PTPRG: variants seen among roughly 807,000 people sequenced by gnomAD.
The protein encoded by PTPRG is protein tyrosine phosphatase receptor type G, also known as receptor-type tyrosine-protein phosphatase gamma.
PTPRG carries 102 observed loss-of-function variants against 165.3 expected under a neutral mutation model. The observed-to-expected ratio is 0.62, with a 90% confidence interval of 0.53 to 0.73. The LOEUF is 0.73. Among genes scored for constraint, PTPRG ranks in the 30% least tolerant of loss-of-function variants. The pLI is 0.00. For synonymous variants in PTPRG, 675 were observed against 669.5 expected, an observed-to-expected ratio of 1.01 and a Z score of -0.13; for missense variants, 1,866 against 1,861.4, an observed-to-expected ratio of 1.00 and a Z score of -0.05.
chr3:62,048,412 C>G (rs574259547), intron 4 of PTPRG, among the ~76,000 whole-genome samples: 1 of 152,066 alleles, frequency 6.6e-6, no homozygotes, highest in African/African-American at 2.4e-5. Context: ...TTATTTCTCC[C>G]AAGATAGGTA....
chr3:61,826,952 G>A (rs761211330), intron 2 of PTPRG, among the ~76,000 whole-genome samples: 4 of 151,724 alleles, frequency 2.6e-5, no homozygotes, highest in Admixed American at 6.6e-5. Context: ...ATCTCCAGGC[G>A]TATGGTAGCC....
rs546951451 is a variant in PTPRG at position 62,200,695 on chromosome 3, C to T, written c.1328-810C>T. ...CAGAGCTACAGGAAGAAATAAACAC[C>T]AGAAAGGGTAATGTATGGTTAATAC... is the stretch of plus-strand genomic sequence containing the variant. On this transcript the variant is annotated intron_variant, in intron 10 of 29. Transcript: ENST00000474889. 1.4e-4 allele frequency among the ~76,000 whole-genome samples: 21 copies of T among 152,120 alleles called. No homozygotes were observed. The South Asian group carries it at 2.3e-3, about 17-fold the overall frequency.
At chr3:61,983,942 T>C (rs1323702279) in intron 2 of PTPRG, among the ~76,000 whole-genome samples, 6 of 152,158 alleles carry the variant, frequency 3.9e-5, no homozygotes, top group Non-Finnish European at 7.4e-5. Flanking sequence ...GATTTAAAAT[T>C]TATATGTGTC....
chr3:62,103,084 C>G (rs1702346803), intron 5 of PTPRG, among the ~76,000 whole-genome samples: 1 of 152,140 alleles, frequency 6.6e-6, no homozygotes, highest in African/African-American at 2.4e-5. Flanking sequence ...ATTTTTGAAC[C>G]TATAAAATCA....
At chr3:62,140,552 A>C (rs1194539290) in intron 6 of PTPRG, among the ~76,000 whole-genome samples, 2 of 152,204 alleles carry the variant, frequency 1.3e-5, no homozygotes, top group Non-Finnish European at 2.9e-5. Context: ...AAGTCAGAAC[A>C]GTGGGGAGGA....
chr3:61,957,211 A>G (rs1199927275), intron 2 of PTPRG, among the ~76,000 whole-genome samples: 8 of 152,240 alleles, frequency 5.3e-5, no homozygotes, highest in Admixed American at 5.2e-4. Flanking sequence ...ACAGTCTCTG[A>G]TGCCTTTCTC....
rs767710468 is a variant in PTPRG, at chr3:62,222,602, TC to T, written c.2288+3620del. Among the ~76,000 whole-genome samples the T allele has an allele frequency of 7.2e-5, 11 of 152,154 alleles. No homozygotes were observed. The South Asian group carries it at 2.3e-3, about 32-fold the overall frequency. ...TTAACTCTGGAGCTCAGAAGTAGGATCAGTACCATTGCCATCAAAACCTTGG... is the reference window on the plus strand; with the variant it reads ...TTAACTCTGGAGCTCAGAAGTAGGATAGTACCATTGCCATCAAAACCTTGG... On this transcript the variant is annotated intron_variant, in intron 13 of 29. Coordinates refer to ENST00000474889, the MANE Select transcript of PTPRG (RefSeq NM_002841.4). This position sits in a 1 kb window ranked among gnomAD's most constrained non-coding sequence, Gnocchi z 4.5.
At chr3:61,858,200 C>T (rs940684731) in intron 2 of PTPRG, among the ~76,000 whole-genome samples, 25 of 152,116 alleles carry the variant, frequency 1.6e-4, no homozygotes, top group African/African-American at 6.0e-4. Context: ...CTTTTCTTTT[C>T]TATAGTACTG....
intron 4 of PTPRG, among the ~76,000 whole-genome samples, chr3:62,037,937 A>G (rs1700002879): frequency 6.6e-6 from 1 of 152,100 alleles, no homozygotes; most frequent in South Asian, 2.1e-4. Context: ...ATATCATCAC[A>G]CTGAGAAGTA....
intron 12 of PTPRG, among the ~76,000 whole-genome samples, chr3:62,208,023 T>A (rs1390105539): frequency 6.6e-6 from 1 of 152,214 alleles, no homozygotes; most frequent in Non-Finnish European, 1.5e-5. Context: ...CTCAAATTTT[T>A]AAAACAATTT....
Position 61,562,057 on chromosome 3 carries a change from A to C in PTPRG, c.-231A>C. On this transcript the variant is annotated 5_prime_UTR_variant, in exon 1 of 30. Coordinates refer to ENST00000474889, the MANE Select transcript of PTPRG (RefSeq NM_002841.4). ...AACGGAAAGCAGCCTTTCTCCGCCG[A>C]GAGGATCGTCCCCAGCGTGGCTCTG... 1 of 531,016 alleles carries C rather than the reference A, an allele frequency of 1.9e-6. No homozygotes were observed. The highest frequency in any genetic ancestry group is 3.1e-5 in the East Asian group (1 of 32,082). 32.9% of individuals were successfully genotyped at this position (531,016 alleles called of 1,614,324 possible). A position where few individuals can be genotyped will look rare whatever the true frequency, so the allele number is the denominator to read the frequency against.
chr3:61,819,857 A>G (rs1005853395), intron 2 of PTPRG, among the ~76,000 whole-genome samples: 3 of 152,212 alleles, frequency 2.0e-5, no homozygotes, highest in Non-Finnish European at 4.4e-5. Context: ...CTTAATGTGT[A>G]TGGCCCTTAT....
chr3:61,726,844 C>G (rs1245202930), intron 1 of PTPRG, among the ~76,000 whole-genome samples: 1 of 152,060 alleles, frequency 6.6e-6, no homozygotes, highest in African/African-American at 2.4e-5. Context: ...TCAGGAGATC[C>G]AGACCATCCT....
At chr3:61,970,424 A>G (rs2040357732) in intron 2 of PTPRG, among the ~76,000 whole-genome samples, 1 of 152,224 alleles carries the variant, frequency 6.6e-6, no homozygotes, top group East Asian at 1.9e-4. Flanking sequence ...CCTTATTTTC[A>G]AATTTGGTGT....
chr3:61,571,494 G>C (rs1700054555), intron 1 of PTPRG, among the ~76,000 whole-genome samples: 1 of 152,148 alleles, frequency 6.6e-6, no homozygotes, highest in Non-Finnish European at 1.5e-5. Flanking sequence ...TCCTGTACTT[G>C]CTACAATTAA....
In PTPRG at chr3:61,970,382, A is replaced by G. The variant is rs569102437; in HGVS notation, c.191-19243A>G. Among the ~76,000 whole-genome samples the G allele has an allele frequency of 1.4e-4, 22 of 152,338 alleles. No individual in the cohort carries two copies. In the Middle Eastern group the frequency reaches 0.01, roughly 71 times the overall value. On this transcript the variant is annotated intron_variant, in intron 2 of 29. Coordinates refer to ENST00000474889, the MANE Select transcript of PTPRG (RefSeq NM_002841.4). ...AAAAAAATGCAGAAAACACAGGGAA[A>G]CATCTAAGGAGGGCTGAAGAAAACA...
At chr3:61,594,722 C>T (rs779209476) in intron 1 of PTPRG, among the ~76,000 whole-genome samples, 11 of 152,164 alleles carry the variant, frequency 7.2e-5, no homozygotes, top group Non-Finnish European at 1.5e-4. Flanking sequence ...CCAGTGGCGC[C>T]GACATCCATC....
chr3:61,880,644 AG>A (rs1445098120), intron 2 of PTPRG, among the ~76,000 whole-genome samples: 69 of 143,776 alleles, frequency 4.8e-4, no homozygotes, highest in African/African-American at 1.9e-3. Flanking sequence ...AAAAAAAAAA[AG>A]AGAGAGACCT....
intron 2 of PTPRG, among the ~76,000 whole-genome samples, chr3:61,868,645 C>G (rs78335355): frequency 2.2e-3 from 331 of 152,248 alleles, no homozygotes; most frequent in Non-Finnish European, 3.5e-3. Context: ...TAGAATCACC[C>G]TTAGGGTAAT....
Sources: gnomAD v4.1 joint callset for allele counts (sites outside exome capture counted in the v4.1 genomes callset) on GRCh38, gnomAD v4.1.1 for gene constraint, Gnocchi (gnomAD v3.1) non-coding constraint, MANE v1.5 for transcripts, NCBI Gene and HGNC (gene_info 2026-07-23, HGNC 2026-07-21) for gene names.